The following ARHGAP10 variants were observed in gnomAD, a reference collection of about 807,000 sequenced individuals.
ARHGAP10 encodes rho GTPase-activating protein 10.
In ARHGAP10, 87 loss-of-function variants were observed where a neutral mutation model predicts 108.6. The observed-to-expected ratio is 0.80, with a 90% confidence interval of 0.67 to 0.96. ARHGAP10 has a LOEUF of 0.96. Ranked by LOEUF, ARHGAP10 falls within the 40% of genes least tolerant of loss-of-function variation. ARHGAP10 has a pLI of 0.00. For synonymous variants in ARHGAP10, 347 were observed against 341.1 expected, an observed-to-expected ratio of 1.02 and a Z score of -0.19; for missense variants, 939 against 954.5, an observed-to-expected ratio of 0.98 and a Z score of 0.21.
intron 18 of ARHGAP10, among the ~76,000 whole-genome samples, chr4:148,010,163 G>A (rs1741116174): frequency 6.6e-6 from 1 of 152,086 alleles, no homozygotes; most frequent in Non-Finnish European, 1.5e-5. Flanking sequence ...GAATGAAGTA[G>A]GTGAGGAATA....
chr4:147,806,061 C>T (rs1731771466), intron 1 of ARHGAP10, among the ~76,000 whole-genome samples: 1 of 151,868 alleles, frequency 6.6e-6, no homozygotes, highest in Admixed American at 6.6e-5. Flanking sequence ...TACTTTAAGC[C>T]TTTTGTTTAT....
chr4:147,956,551 A>G (rs1004341687), intron 16 of ARHGAP10, among the ~76,000 whole-genome samples: 6 of 152,152 alleles, frequency 3.9e-5, no homozygotes, highest in African/African-American at 1.2e-4. Context: ...AACTCAAGTA[A>G]ATGCTTAGTT....
At chr4:147,939,121 G>A (rs559807780) in intron 13 of ARHGAP10, among the ~76,000 whole-genome samples, 4 of 152,118 alleles carry the variant, frequency 2.6e-5, no homozygotes, top group South Asian at 4.2e-4. Context: ...ATGTCTTTTC[G>A]TCATTGATTT....
At chr4:148,071,397 C>A (rs546365388) in intron 22 of ARHGAP10, among the ~76,000 whole-genome samples, 1 of 152,200 alleles carries the variant, frequency 6.6e-6, no homozygotes, top group Non-Finnish European at 1.5e-5. Flanking sequence ...GAGTGGATCA[C>A]CTGAGGTCAG....
chr4:147,993,937 A>G (rs1323837076), intron 18 of ARHGAP10, among the ~76,000 whole-genome samples: 1 of 152,260 alleles, frequency 6.6e-6, no homozygotes, highest in East Asian at 1.9e-4. Flanking sequence ...TCAACAGCCA[A>G]CCCTGAAAGG....
At chr4:147,819,825 C>T (rs916850511) in intron 1 of ARHGAP10, among the ~76,000 whole-genome samples, 11 of 152,262 alleles carry the variant, frequency 7.2e-5, no homozygotes, top group African/African-American at 2.6e-4. Flanking sequence ...TCCCAGAGTG[C>T]TGGGATTATA....
intron 20 of ARHGAP10, among the ~76,000 whole-genome samples, chr4:148,049,050 C>A (rs73853711): frequency 6.6e-6 from 1 of 150,680 alleles, no homozygotes; most frequent in African/African-American, 2.5e-5. Context: ...CTATGTTTCT[C>A]TGAAGTATAT....
Position 147,732,347 on chromosome 4 carries a change from C to G in ARHGAP10, c.46C>G (p.Pro16Ala), listed in dbSNP as rs770205443. The change falls in exon 1 of 23, where the codon CCG (proline) becomes GCG (alanine). Residue 16 changes from proline to alanine, a missense_variant. Transcript: ENST00000336498. ...GTTCAGCGACTGCTACCTCGACAGC[C>G]CGTGGTTCCGGGAGAGGATCCGCGC... ...LEFSDCYLDS[P>A]WFRERIRAHE... 1.9e-6 allele frequency: 3 copies of G among 1,613,332 alleles called. No individual in the cohort carries two copies. The highest frequency in any genetic ancestry group is 1.3e-5 in the African/African-American group (1 of 74,854).
chr4:147,800,412 G>A (rs1051897558), intron 1 of ARHGAP10, among the ~76,000 whole-genome samples: 1 of 152,176 alleles, frequency 6.6e-6, no homozygotes, highest in Non-Finnish European at 1.5e-5. Context: ...GGAGTCTTGT[G>A]TCTGCCCTAT....
intron 19 of ARHGAP10, among the ~76,000 whole-genome samples, chr4:148,035,250 A>G (rs1728321887): frequency 6.6e-6 from 1 of 152,180 alleles, no homozygotes; most frequent in Admixed American, 6.5e-5. Flanking sequence ...TAATTTCTTT[A>G]AATCTTTGGG....
intron 13 of ARHGAP10, among the ~76,000 whole-genome samples, chr4:147,923,284 C>A (rs552116532): frequency 1.3e-5 from 2 of 152,232 alleles, no homozygotes; most frequent in African/African-American, 4.8e-5. Flanking sequence ...GTAATTACAT[C>A]ATTTCTTTGA....
intron 19 of ARHGAP10, among the ~76,000 whole-genome samples, chr4:148,039,448 C>T (rs755932637): frequency 1.8e-4 from 26 of 143,280 alleles, no homozygotes; most frequent in Admixed American, 5.6e-4. Flanking sequence ...CCCACCACCA[C>T]GCCTGGCTAA....
chr4:147,789,748 C>T (rs933775226), intron 1 of ARHGAP10, among the ~76,000 whole-genome samples: 2 of 152,162 alleles, frequency 1.3e-5, no homozygotes, highest in African/African-American at 4.8e-5. Context: ...GAACTCTGAC[C>T]TTTTGTATTT....
At chr4:147,872,651 T>C (rs1734880194) in intron 7 of ARHGAP10, among the ~76,000 whole-genome samples, 1 of 152,240 alleles carries the variant, frequency 6.6e-6, no homozygotes, top group South Asian at 2.1e-4. Context: ...ACATTTTGTG[T>C]GTTCTATGTA....
intron 3 of ARHGAP10, among the ~76,000 whole-genome samples, chr4:147,832,171 C>T (rs1042437494): frequency 1.3e-5 from 2 of 151,712 alleles, no homozygotes; most frequent in Non-Finnish European, 2.9e-5. Flanking sequence ...AGGAGTGATT[C>T]GATTATTGGG....
chr4:148,001,986 T>C (rs993047254), intron 18 of ARHGAP10, among the ~76,000 whole-genome samples: 5 of 152,222 alleles, frequency 3.3e-5, no homozygotes, highest in African/African-American at 1.2e-4. Context: ...ATCCCTGTCT[T>C]GTGCCAGTTT....
chr4:147,777,829 C>T (rs1156705438), intron 1 of ARHGAP10, among the ~76,000 whole-genome samples: 2 of 152,020 alleles, frequency 1.3e-5, no homozygotes, highest in Admixed American at 1.3e-4. Context: ...ACATTGTGGT[C>T]CTTATTGTGC....
At chr4:147,898,674 TG>T (rs1487352450) in intron 10 of ARHGAP10, among the ~76,000 whole-genome samples, 1 of 152,206 alleles carries the variant, frequency 6.6e-6, no homozygotes, top group Admixed American at 6.5e-5. Context: ...TTTTCCCACC[TG>T]ATTTCCATTT....
At chr4:147,785,391 G>A (rs1434307329) in intron 1 of ARHGAP10, among the ~76,000 whole-genome samples, 1 of 152,058 alleles carries the variant, frequency 6.6e-6, no homozygotes, top group African/African-American at 2.4e-5. Flanking sequence ...CTTTCAAAAG[G>A]TGCCTTGAGA....
Sources: allele counts gnomAD v4.1 joint callset (sites outside exome capture counted in the v4.1 genomes callset), GRCh38; gene constraint gnomAD v4.1.1; transcripts MANE v1.5; gene names NCBI Gene and HGNC (gene_info 2026-07-23, HGNC 2026-07-21).